The following STK3 variants were observed in gnomAD, a reference collection of about 807,000 sequenced individuals.
STK3 encodes the protein serine/threonine kinase 3.
In STK3, 41 loss-of-function variants were observed where a neutral mutation model predicts 58.0. The observed-to-expected ratio is 0.71, with a 90% CI of 0.55 to 0.92. The LOEUF (loss-of-function observed/expected upper bound fraction) is 0.92. STK3 is among the 40% of genes least tolerant of loss of function. The pLI is 0.00. For missense variants in STK3, 479 were observed against 602.7 expected (o/e 0.79, Z 2.15); for synonymous variants, 170 against 191.0 (o/e 0.89, Z 0.91).
intron 1 of STK3, among the ~76,000 whole-genome samples, chr8:98,902,900 T>C (rs988704593): frequency 3.3e-5 from 5 of 152,212 alleles, no homozygotes; most frequent in Non-Finnish European, 5.9e-5. Flanking sequence ...TTTGCCCAAA[T>C]TGACAACTAG....
intron 1 of STK3, chr8:98,905,625 G>C (rs1838866950): frequency 4.5e-6 from 4 of 888,200 alleles, no homozygotes; most frequent in South Asian, 1.3e-5. Flanking sequence ...CGGATCTCCT[G>C]CTCTGTGGCC....
chr8:98,758,524 C>A (rs983840953), intron 3 of STK3, among the ~76,000 whole-genome samples: 1 of 152,172 alleles, frequency 6.6e-6, no homozygotes, highest in Non-Finnish European at 1.5e-5. Flanking sequence ...TGATTTGCCA[C>A]ATAAACAGAG....
intron 4 of STK3, among the ~76,000 whole-genome samples, chr8:98,742,683 G>A (rs969241003): frequency 4.6e-5 from 7 of 150,598 alleles, no homozygotes; most frequent in African/African-American, 1.7e-4. Flanking sequence ...AGACAGGGAT[G>A]CCCTCTCACC....
At chr8:98,463,607 C>T (rs555818865) in intron 10 of STK3, among the ~76,000 whole-genome samples, 2 of 152,190 alleles carry the variant, frequency 1.3e-5, no homozygotes, top group Admixed American at 6.5e-5. Context: ...AAAGAGTTGT[C>T]AGTAAAATTA....
chr8:98,680,528 A>C (rs1823555603), intron 6 of STK3, among the ~76,000 whole-genome samples: 1 of 152,220 alleles, frequency 6.6e-6, no homozygotes, highest in African/African-American at 2.4e-5. Flanking sequence ...AGCATAACTT[A>C]CTACAGCTGC....
chr8:98,745,280 T>C (rs1829566855), intron 4 of STK3, among the ~76,000 whole-genome samples: 1 of 152,224 alleles, frequency 6.6e-6, no homozygotes, highest in Non-Finnish European at 1.5e-5. Context: ...TAGTCTGTAA[T>C]AAATGTTTTT....
At chr8:98,911,001 T>C (rs73279717) in intron 1 of STK3, among the ~76,000 whole-genome samples, 2,732 of 152,260 alleles carry the variant, frequency 0.018, 76 homozygotes, top group African/African-American at 0.063. Context: ...GGTCCATATA[T>C]AGCAAGGCAA....
rs565162467 is a variant in STK3, at chr8:98,635,681, T to C, written c.685-39512A>G. Among the ~76,000 whole-genome samples, 5 of 152,298 alleles carry C rather than the reference T, an allele frequency of 3.3e-5. 1 individual carries two copies. The South Asian group carries it at 1.0e-3, about 32-fold the overall frequency. On this transcript the variant is annotated intron_variant, in intron 6 of 10. Coordinates refer to ENST00000419617, the MANE Select transcript of STK3 (RefSeq NM_006281.4). ...ATCAGAAACTTGCTAGACTACATTA[T>C]TAAGTAAAAAAACACACAGAATTAA... is the stretch of plus-strand genomic sequence containing the variant.
chr8:98,843,016 A>AAAAT (rs1181293973), intron 3 of STK3, among the ~76,000 whole-genome samples: 2 of 150,834 alleles, frequency 1.3e-5, no homozygotes, highest in East Asian at 3.9e-4. Context: ...AGACTCCCTA[A>AAAAT]AAATAAATAA....
intron 1 of STK3, among the ~76,000 whole-genome samples, chr8:98,895,695 G>C (rs1838418521): frequency 6.6e-6 from 1 of 152,180 alleles, no homozygotes; most frequent in African/African-American, 2.4e-5. Flanking sequence ...GCTGAGTGGA[G>C]AGGGGGAGAG....
chr8:98,870,291 C>T (rs1231792343), intron 3 of STK3, among the ~76,000 whole-genome samples: 4 of 152,220 alleles, frequency 2.6e-5, no homozygotes, highest in Middle Eastern at 3.4e-3. Context: ...TGAATAGTGC[C>T]GCTATAAACA....
intron 3 of STK3, among the ~76,000 whole-genome samples, chr8:98,848,103 C>T (rs1303651537): frequency 6.6e-6 from 1 of 152,146 alleles, no homozygotes; most frequent in Non-Finnish European, 1.5e-5. Context: ...GTGTAAAGTT[C>T]AATGACTTTT....
At chr8:98,636,532 A>G (rs951320494) in intron 6 of STK3, among the ~76,000 whole-genome samples, 1 of 152,180 alleles carries the variant, frequency 6.6e-6, no homozygotes, top group Non-Finnish European at 1.5e-5. Context: ...ACCAAACATT[A>G]AATTAAAAAT....
chr8:98,846,299 A>G (rs1236042309), intron 3 of STK3, among the ~76,000 whole-genome samples: 1 of 152,196 alleles, frequency 6.6e-6, no homozygotes, highest in East Asian at 1.9e-4. Flanking sequence ...GAATAAAACA[A>G]ATTTGTTCAC....
At chr8:98,498,042 T>C (rs910230835) in intron 10 of STK3, among the ~76,000 whole-genome samples, 1 of 152,214 alleles carries the variant, frequency 6.6e-6, no homozygotes, top group Non-Finnish European at 1.5e-5. Context: ...CTGCACTTCA[T>C]CCTTACACGG....
the STK3 span, among the ~76,000 whole-genome samples, chr8:98,358,322 C>T: frequency 1.3e-5 from 2 of 152,110 alleles, no homozygotes; most frequent in African/African-American, 2.4e-5. Flanking sequence ...TCCAATCACA[C>T]GCCCGTTACC....
At chr8:98,816,904 C>A (rs1030455551) in intron 1 of STK3, among the ~76,000 whole-genome samples, 7 of 152,132 alleles carry the variant, frequency 4.6e-5, no homozygotes, top group Non-Finnish European at 8.8e-5. Flanking sequence ...GTTATTACTA[C>A]ACAAGTCAGG....
intron 4 of STK3, among the ~76,000 whole-genome samples, chr8:98,738,237 G>T (rs1828790659): frequency 1.3e-5 from 2 of 152,212 alleles, no homozygotes; most frequent in African/African-American, 4.8e-5. Flanking sequence ...CAACACTTTA[G>T]ATGACCGGGT....
chr8:98,357,701 C>G, the STK3 span, among the ~76,000 whole-genome samples: 1 of 152,226 alleles, frequency 6.6e-6, no homozygotes, highest in Non-Finnish European at 1.5e-5. Context: ...TCTTTGCCTT[C>G]TCCTTTCTGC....
Sources: allele counts gnomAD v4.1 joint callset (sites outside exome capture counted in the v4.1 genomes callset), GRCh38; gene constraint gnomAD v4.1.1; transcripts MANE v1.5; gene names NCBI Gene and HGNC (gene_info 2026-07-23, HGNC 2026-07-21).